Variants in ERAP2 observed in about 807,000 individuals in gnomAD.
The protein encoded by ERAP2 is endoplasmic reticulum aminopeptidase 2, also known as leukocyte-derived arginine aminopeptidase.
Under a neutral mutation model 111.1 loss-of-function variants are expected in ERAP2, and 118 were observed. The observed-to-expected ratio is 1.06, with a 90% CI of 0.92 to 1.24. The LOEUF is 1.24. Among genes scored for constraint, ERAP2 ranks in the 50% most tolerant of loss-of-function variants. The pLI is 0.00. For synonymous variants in ERAP2, 410 were observed against 401.2 expected (o/e 1.02, Z -0.26); for missense variants, 1,131 against 1,125.8 (o/e 1.00, Z -0.07).
At position 96,886,774 on chromosome 5, in the gene ERAP2, T is replaced by G; in HGVS notation, c.834T>G (p.Thr278=). 2.0e-6 allele frequency: 3 copies of G among 1,508,504 alleles called. No homozygotes were observed. Among genetic ancestry groups the G allele is most frequent in the Non-Finnish European group, 2.7e-6 (3 of 1,109,174 alleles). 93.4% of individuals were successfully genotyped at this position (1,508,504 alleles called of 1,614,324 possible). A position where few individuals can be genotyped will look rare whatever the true frequency, so the allele number is the denominator to read the frequency against. Residue 278 remains threonine, a synonymous_variant, in exon 4 of 19, where the codon ACT becomes ACG. Transcript: ENST00000437043. The part of the protein sequence containing the change: ...VCDFHSLSGF[T]SSGVKVSIYA... ...ATTTCCACTCTCTGAGTGGCTTCAC[T>G]TCATCAGGGGTCAAGGTGAGACTGA...
rs1786933049 is a variant in ERAP2 at position 96,912,689 on chromosome 5, G to A, written c.2407G>A (p.Ala803Thr). Residue 803 changes from alanine to threonine, a missense_variant, in exon 16 of 19, where the codon GCA (alanine) becomes ACA (threonine). By Grantham distance (58) the Ala-to-Thr change is moderately conservative. Coordinates refer to ENST00000437043, the MANE Select transcript of ERAP2 (RefSeq NM_022350.5). ...GTATTCTGTGGGTGCTCAGACAACA[G>A]CAGGATGGAATTACCTTTTAGAGCA... Reference protein sequence around the residue: ...IVYSVGAQTTAGWNYLLEQYE... With the variant: ...IVYSVGAQTTTGWNYLLEQYE... 2 of 1,610,742 alleles carry A rather than the reference G, an allele frequency of 1.2e-6. No individual in the cohort carries two copies. The highest frequency in any genetic ancestry group is 1.1e-5 in the South Asian group (1 of 90,590).
At chr5:96,889,063 A>T in intron 4 of ERAP2, 122 bp from the exon 5 acceptor site, 1 of 1,170,760 alleles carries the variant, frequency 8.5e-7, no homozygotes, top group Non-Finnish European at 1.2e-6. Context: ...CAACATGCTT[A>T]ATGGTATCTT....
At chr5:96,885,941 A>C (rs1275047855) in intron 3 of ERAP2, among the ~76,000 whole-genome samples, 1 of 152,202 alleles carries the variant, frequency 6.6e-6, no homozygotes, top group Non-Finnish European at 1.5e-5. Context: ...CAGAAGCTTA[A>C]ATTACTAATG....
At chr5:96,916,835 C>A (rs752215737) in intron 18 of ERAP2, among the ~76,000 whole-genome samples, 43 of 151,316 alleles carry the variant, frequency 2.8e-4, no homozygotes, top group Non-Finnish European at 4.9e-4. Flanking sequence ...TTTATTTACC[C>A]TTTAGGCAAA....
rs1193157045 is a variant in ERAP2 at position 96,879,780 on chromosome 5, T to A, written c.95T>A (p.Ile32Lys). Reference sequence around the variant, plus strand: ...TGCTTAACAGCCATCTTGCCCCAAATATGCATTTGTTCTCAGTTCTCAGTG... The same window carrying A: ...TGCTTAACAGCCATCTTGCCCCAAAAATGCATTTGTTCTCAGTTCTCAGTG... ...FYCLTAILPQ[I>K]CICSQFSVPS... Residue 32 changes from isoleucine to lysine, a missense_variant, in exon 2 of 19, where the codon ATA becomes AAA. Physicochemically the swap from Ile to Lys is moderately radical, Grantham distance 102. Around this residue, in one of 3 missense-constraint regions of ERAP2, gnomAD observed 847 missense variants for 856.5 expected, o/e 0.99. Transcript: ENST00000437043. 9 of 1,614,060 alleles carry A rather than the reference T, an allele frequency of 5.6e-6. No homozygotes were observed. Among genetic ancestry groups the A allele is most frequent in the Non-Finnish European group, 7.6e-6 (9 of 1,180,020 alleles).
intron 5 of ERAP2, among the ~76,000 whole-genome samples, chr5:96,890,179 C>G (rs1046835899): frequency 3.3e-5 from 5 of 152,152 alleles, no homozygotes. Context: ...TGTAGAGAAG[C>G]GATCCCCAAC....
rs758531028 is a variant in ERAP2 at position 96,917,465 on chromosome 5, A to T, written c.2743A>T (p.Lys915Ter). 5 of 1,605,298 alleles carry T rather than the reference A, an allele frequency of 3.1e-6. No homozygotes were observed. The highest frequency in any genetic ancestry group is 8.5e-7 in the Non-Finnish European group (1 of 1,174,940). ...FSSKDKLQEV[K>*]LFFESLEAQG... ...TTTTTTCTTCAATATTTTACAGGTGAAACTATTTTTTGAATCTCTTGAGGC... is the reference window on the plus strand; with the variant it reads ...TTTTTTCTTCAATATTTTACAGGTGTAACTATTTTTTGAATCTCTTGAGGC... The change falls in exon 19 of 19, where the codon AAA (lysine) becomes TAA (stop). Residue 915 changes from lysine to a stop codon, truncating the protein, a stop_gained. Transcript: ENST00000437043. LOFTEE classifies it high-confidence loss of function.
intron 15 of ERAP2, among the ~76,000 whole-genome samples, chr5:96,910,760 T>C (rs1446544862): frequency 6.6e-6 from 1 of 152,212 alleles, no homozygotes; most frequent in Non-Finnish European, 1.5e-5. Context: ...AACTCCAAGA[T>C]TGCTAGTATG....
chr5:96,912,738 C>T lies in ERAP2; in HGVS notation c.2456C>T (p.Ala819Val). Residue 819 changes from alanine (A) to valine (V), a missense_variant, in exon 16 of 19, where the codon GCT becomes GTT. Physicochemically the swap from Ala to Val is moderately conservative, Grantham distance 64. This residue lies in a region of ERAP2 where 279 missense variants were observed against 250.9 expected (regional missense o/e 1.11). Coordinates refer to ENST00000437043, the MANE Select transcript of ERAP2 (RefSeq NM_022350.5). ...LEQYELSMSS[A>V]EQNKILYALS... The stretch of plus-strand genomic sequence containing the variant: ...CAATATGAACTGTCAATGTCAAGTG[C>T]TGAACAAAACAAAATTCTGTATGCT... 1 of 1,601,150 alleles carries T rather than the reference C, an allele frequency of 6.2e-7. No individual in the cohort carries two copies. Among genetic ancestry groups the T allele is most frequent in the South Asian group, 1.1e-5 (1 of 87,870 alleles).
intron 13 of ERAP2, among the ~76,000 whole-genome samples, chr5:96,905,050 A>G (rs938407529): frequency 6.6e-6 from 1 of 152,200 alleles, no homozygotes; most frequent in African/African-American, 2.4e-5. Context: ...TATCCGATAT[A>G]CAAGGTTTGG....
chr5:96,909,651 C>A lies in ERAP2; in HGVS notation c.2241C>A (p.Asp747Glu). ...QSWSDKGSVW[D>E]RMLRSALLKL... ...GGAGTGACAAGGGCTCAGTCTGGGA[C>A]AGGATGCTCCGCTCGGCTCTCTTGA... The change falls in exon 15 of 19, where the codon GAC (aspartate) becomes GAA (glutamate). Residue 747 changes from aspartate to glutamate, a missense_variant. Around this residue, in one of 3 missense-constraint regions of ERAP2, gnomAD observed 279 missense variants for 250.9 expected, o/e 1.11. Coordinates refer to ENST00000437043, the MANE Select transcript of ERAP2 (RefSeq NM_022350.5). 1.2e-6 allele frequency: 2 copies of A among 1,614,178 alleles called. No homozygotes were observed. Among genetic ancestry groups the A allele is most frequent in the Non-Finnish European group, 1.7e-6 (2 of 1,180,022 alleles).
At chr5:96,907,775 C>T (rs2112323456) in intron 13 of ERAP2, among the ~76,000 whole-genome samples, 1 of 151,982 alleles carries the variant, frequency 6.6e-6, no homozygotes, top group African/African-American at 2.4e-5. Context: ...CCCAGCTACT[C>T]AGGAGGCTGA....
At chr5:96,898,918 A>G (rs1026078180) in intron 9 of ERAP2, among the ~76,000 whole-genome samples, 2 of 151,890 alleles carry the variant, frequency 1.3e-5, no homozygotes, top group East Asian at 3.8e-4. Flanking sequence ...CTCCCTTGCC[A>G]TGTGTGTGTG....
At chr5:96,916,589 G>C (rs1290690019) in intron 18 of ERAP2, among the ~76,000 whole-genome samples, 1 of 147,880 alleles carries the variant, frequency 6.8e-6, no homozygotes. Flanking sequence ...TCAGCCTCCC[G>C]AGTAGCTGGG....
intron 6 of ERAP2, among the ~76,000 whole-genome samples, chr5:96,895,039 A>C (rs969247309): frequency 6.6e-6 from 1 of 152,096 alleles, no homozygotes; most frequent in African/African-American, 2.4e-5. Context: ...CAAAAAAAAG[A>C]AAAAAGAAAA....
intron 2 of ERAP2, among the ~76,000 whole-genome samples, chr5:96,882,952 A>C (rs1016695659): frequency 9.9e-5 from 15 of 152,176 alleles, no homozygotes; most frequent in Non-Finnish European, 2.9e-5. Flanking sequence ...TGAAGCTTAA[A>C]GTCCAAAGAG....
At chr5:96,885,136 A>C (rs1783595635) in intron 3 of ERAP2, among the ~76,000 whole-genome samples, 1 of 152,150 alleles carries the variant, frequency 6.6e-6, no homozygotes, top group Non-Finnish European at 1.5e-5. Flanking sequence ...TTGCCTCCGA[A>C]CCATCTCTGC....
At chr5:96,909,202 CTTGAGGTTAAATCTGGAGCAGCTCGGGGG>C in intron 14 of ERAP2, 85 bp downstream of exon 14, 1 of 1,365,194 alleles carries the variant, frequency 7.3e-7, no homozygotes, top group Non-Finnish European at 1.0e-6. Context: ...GTGTGAAGTC[CTTGAGGTTAAATCTGGAGCAGCTCGGGGG>C]ACTGACTGAT....
At chr5:96,881,609 A>G (rs143209312) in intron 2 of ERAP2, 232 of 416,486 alleles carry the variant, frequency 5.6e-4, no homozygotes, top group African/African-American at 4.5e-3. Flanking sequence ...GAAGTCCAGA[A>G]GTAGGGCAGC....
Sources: gnomAD v4.1 joint callset for allele counts (sites outside exome capture counted in the v4.1 genomes callset) on GRCh38, gnomAD v4.1.1 for gene constraint, gnomAD v4.1.1 regional missense constraint, MANE v1.5 for transcripts, NCBI Gene and HGNC (gene_info 2026-07-23, HGNC 2026-07-21) for gene names.